The following DNAI3 variants were observed in gnomAD, a reference collection of about 807,000 sequenced individuals.
The protein encoded by DNAI3 is dynein axonemal intermediate chain 3, also known as WD repeat domain 63.
Under a neutral mutation model 115.5 loss-of-function variants are expected in DNAI3, and 83 were observed. The observed-to-expected ratio is 0.72, with a 90% CI of 0.60 to 0.86. The LOEUF is 0.86. Among genes scored for constraint, DNAI3 ranks in the 40% least tolerant of loss-of-function variants. DNAI3 has a pLI of 0.00. For synonymous variants in DNAI3, 320 were observed against 347.0 expected (o/e 0.92, Z 0.86); for missense variants, 1,004 against 1,075.8 (o/e 0.93, Z 0.93).
At chr1:85,130,639 TATA>T (rs2100620793) in intron 22 of DNAI3, among the ~76,000 whole-genome samples, 2 of 151,992 alleles carry the variant, frequency 1.3e-5, no homozygotes, top group East Asian at 3.9e-4. Context: ...CTATTATAAT[TATA>T]ATGATAGATG....
In DNAI3 at chr1:85,064,787, C is replaced by G. The variant is rs1225882289; in HGVS notation, c.-15+2301C>G. Among the ~76,000 whole-genome samples the G allele has an allele frequency of 2.0e-5, 3 of 151,864 alleles. No individual in the cohort carries two copies. In the East Asian group the frequency reaches 5.8e-4, roughly 29 times the overall value. On this transcript the variant is annotated intron_variant, in intron 1 of 22. Coordinates refer to ENST00000294664, the MANE Select transcript of DNAI3 (RefSeq NM_145172.5). ...GTGACTCACGCCTGTAATCCCAGCACTTTGGGAGGCCGAGGCAGGCAGATC... is the reference window on the plus strand; with the variant it reads ...GTGACTCACGCCTGTAATCCCAGCAGTTTGGGAGGCCGAGGCAGGCAGATC...
rs1655878571 is a variant in DNAI3, at chr1:85,117,857, G to C, written c.1915G>C (p.Glu639Gln). 1 of 1,611,312 alleles carries C rather than the reference G, an allele frequency of 6.2e-7. No homozygotes were observed. The highest frequency in any genetic ancestry group is 2.2e-5 in the East Asian group (1 of 44,856). Residue 639 changes from glutamate (E) to glutamine (Q), a missense_variant and splice_region_variant, in exon 17 of 23, where the codon GAG (glutamate) becomes CAG (glutamine). This residue lies in a region of DNAI3 where 429 missense variants were observed against 454.3 expected (regional missense o/e 0.94). Transcript: ENST00000294664. ...CTGCACAAAGTTCTTTGTGGGAACA[G>C]AGGTAAATTGGGATTATCTGCTTTT... Reference protein sequence around the residue: ...DFCTKFFVGTEEGEVIYTDWK... With the variant: ...DFCTKFFVGTQEGEVIYTDWK...
At chr1:85,082,527 G>A (rs576178326) in intron 5 of DNAI3, 123 bp downstream of exon 5, 17 of 726,728 alleles carry the variant, frequency 2.3e-5, no homozygotes, top group Admixed American at 8.2e-5. Context: ...TCACTGCAAC[G>A]TCAATCTCCC....
Position 85,084,250 on chromosome 1 carries a change from G to GTA in DNAI3, c.391-269_391-268dup, listed in dbSNP as rs33956396. Reference sequence around the variant, plus strand: ...ATGTGTATATATATATCAGCAGTGTGTATATATATATATATATATATATAT... The same window carrying GTA: ...ATGTGTATATATATATCAGCAGTGTGTATATATATATATATATATATATATAT... On this transcript the variant is annotated intron_variant, in intron 5 of 22. Coordinates refer to ENST00000294664, the MANE Select transcript of DNAI3 (RefSeq NM_145172.5). 7.1e-3 allele frequency among the ~76,000 whole-genome samples: 604 copies of GTA among 84,998 alleles called. 4 individuals carry two copies. Among genetic ancestry groups the GTA allele is most frequent in the African/African-American group, 8.2e-3 (228 of 27,666 alleles). 55.8% of individuals were successfully genotyped at this position (84,998 alleles called of 152,430 possible). A position where few individuals can be genotyped will look rare whatever the true frequency, so the allele number is the denominator to read the frequency against.
chr1:85,104,856 A>T (rs1261232481), intron 14 of DNAI3, among the ~76,000 whole-genome samples: 1 of 152,176 alleles, frequency 6.6e-6, no homozygotes, highest in Non-Finnish European at 1.5e-5. Context: ...TCACATTCTC[A>T]TATTTGTAAA....
At chr1:85,069,525 ATAG>A (rs1333059326) in intron 1 of DNAI3, among the ~76,000 whole-genome samples, 2 of 152,078 alleles carry the variant, frequency 1.3e-5, no homozygotes, top group African/African-American at 2.4e-5. Flanking sequence ...TGTGGAATAA[ATAG>A]TGGTGGTGGT....
Position 85,124,172 on chromosome 1 carries a change from T to G in DNAI3, c.2033T>G (p.Ile678Ser). ...ATTCACGACGGAACTGTCCACACTA[T>G]TCAGAGATCACCTTTCTACAACGAC... is the stretch of plus-strand genomic sequence containing the variant. ...HTIHDGTVHT[I>S]QRSPFYNDII... The change falls in exon 19 of 23, where the codon ATT becomes AGT. Residue 678 changes from isoleucine to serine, a missense_variant. Physicochemically the swap from Ile to Ser is moderately radical, Grantham distance 142. This residue lies in a region of DNAI3 where 429 missense variants were observed against 454.3 expected (regional missense o/e 0.94). Transcript: ENST00000294664. The G allele has an allele frequency of 6.2e-7, 1 of 1,614,192 alleles. No homozygotes were observed.
chr1:85,130,270 T>G, intron 22 of DNAI3, 158 bp downstream of exon 22: 1 of 1,052,648 alleles, frequency 9.5e-7, no homozygotes, highest in South Asian at 1.7e-5. Context: ...ATTTCCTAGC[T>G]CACTGCCAGT....
At chr1:85,075,067 CT>C (rs983632402) in intron 3 of DNAI3, among the ~76,000 whole-genome samples, 5 of 152,070 alleles carry the variant, frequency 3.3e-5, no homozygotes, top group Non-Finnish European at 5.9e-5. Flanking sequence ...TTATTTTCTT[CT>C]TTTTTTGTAG....
intron 6 of DNAI3, 99 bp downstream of exon 6, chr1:85,084,794 G>A (rs958570371): frequency 1.7e-6 from 2 of 1,201,218 alleles, no homozygotes; most frequent in Admixed American, 6.5e-5. Context: ...TGCTATGGAG[G>A]CATAGTTTTT....
At chr1:85,100,582 A>G (rs1313013473) in intron 13 of DNAI3, among the ~76,000 whole-genome samples, 2 of 152,226 alleles carry the variant, frequency 1.3e-5, no homozygotes, top group South Asian at 2.1e-4. Context: ...TCAAGGATCT[A>G]GAACTAGAAA....
At chr1:85,075,938 G>C (rs1654438387) in intron 3 of DNAI3, among the ~76,000 whole-genome samples, 1 of 152,128 alleles carries the variant, frequency 6.6e-6, no homozygotes, top group African/African-American at 2.4e-5. Context: ...CAAACTTAGT[G>C]GCTTAAACAA....
intron 7 of DNAI3, 77 bp downstream of exon 7, chr1:85,086,107 G>T: frequency 1.5e-6 from 2 of 1,344,388 alleles, no homozygotes. Flanking sequence ...TATTTTGAGA[G>T]CTCTTTATAA....
intron 3 of DNAI3, among the ~76,000 whole-genome samples, chr1:85,078,852 G>A (rs1654542050): frequency 1.3e-5 from 2 of 152,198 alleles, no homozygotes; most frequent in Non-Finnish European, 1.5e-5. Context: ...ATAAAGGAAT[G>A]TTAGATCCTA....
intron 1 of DNAI3, among the ~76,000 whole-genome samples, chr1:85,066,471 C>T (rs1320008318): frequency 6.6e-6 from 1 of 151,724 alleles, no homozygotes; most frequent in Non-Finnish European, 1.5e-5. Flanking sequence ...AGACTACAGG[C>T]GCCTGCCACC....
At chr1:85,074,614 T>C (rs902371649) in intron 3 of DNAI3, among the ~76,000 whole-genome samples, 2 of 152,218 alleles carry the variant, frequency 1.3e-5, no homozygotes, top group African/African-American at 4.8e-5. Context: ...TATTACCTTG[T>C]TTAATTGCTT....
At chr1:85,071,185 T>C (rs1246353970) in intron 1 of DNAI3, among the ~76,000 whole-genome samples, 1 of 152,202 alleles carries the variant, frequency 6.6e-6, no homozygotes, top group East Asian at 1.9e-4. Context: ...GGTAAGTAAT[T>C]TGCCCAAGGT....
At chr1:85,105,410 A>G (rs577662975) in intron 14 of DNAI3, among the ~76,000 whole-genome samples, 13 of 152,154 alleles carry the variant, frequency 8.5e-5, no homozygotes, top group Non-Finnish European at 2.9e-5. Flanking sequence ...GAGTGCTTTA[A>G]TGGGTTAACT....
In DNAI3 at chr1:85,084,715, T is replaced by C. The variant is rs1654745113; in HGVS notation, c.540+20T>C. 1 of 1,444,142 alleles carries C rather than the reference T, an allele frequency of 6.9e-7. No individual in the cohort carries two copies. The highest frequency in any genetic ancestry group is 9.2e-7 in the Non-Finnish European group (1 of 1,092,762). The allele number at this position is 1,444,142 out of a possible 1,614,324, so 89.5% of individuals were successfully genotyped here. Reference sequence around the variant, plus strand: ...AAGCAGGTTAGAGGGTTATATATGATCTGTAATCATTACCTCCCTGTAGCT... The same window carrying C: ...AAGCAGGTTAGAGGGTTATATATGACCTGTAATCATTACCTCCCTGTAGCT... On this transcript the variant is annotated intron_variant, in intron 6 of 22. Transcript: ENST00000294664.
Sources: gnomAD v4.1 joint callset for allele counts (sites outside exome capture counted in the v4.1 genomes callset) on GRCh38, gnomAD v4.1.1 for gene constraint, gnomAD v4.1.1 regional missense constraint, MANE v1.5 for transcripts, NCBI Gene and HGNC (gene_info 2026-07-23, HGNC 2026-07-21) for gene names.